The following ATAD3B variants were observed in gnomAD, a reference collection of about 807,000 sequenced individuals.
The protein encoded by ATAD3B is ATPase family AAA domain containing 3B.
In ATAD3B, 59 loss-of-function variants were observed where a neutral mutation model predicts 70.2. That is an observed-to-expected ratio of 0.84 (90% CI 0.68 to 1.04). ATAD3B has a LOEUF of 1.04. Among genes scored for constraint, ATAD3B ranks in the 50% least tolerant of loss-of-function variants. The probability of loss-of-function intolerance (pLI) is 0.00; values close to 1 mark genes in which losing one functional copy is unlikely to be tolerated. For missense variants in ATAD3B, 961 were observed against 913.4 expected, an observed-to-expected ratio of 1.05 and a Z score of -0.67; for synonymous variants, 423 against 388.6, an observed-to-expected ratio of 1.09 and a Z score of -1.04.
chr1:1,506,787 C>CTTTTTTTTT, the ATAD3B span, among the ~76,000 whole-genome samples: 4 of 120,048 alleles, frequency 3.3e-5, no homozygotes, highest in African/African-American at 6.3e-5. Flanking sequence ...TTTCTTTTTT[C>CTTTTTTTTT]TTTTTTTTTT....
intron 4 of ATAD3B, among the ~76,000 whole-genome samples, chr1:1,479,496 A>G (rs1313902736): frequency 3.6e-5 from 5 of 139,876 alleles, no homozygotes; most frequent in Non-Finnish European, 7.7e-5. Context: ...ACACCCCTAC[A>G]CAGGGGCATG....
At chr1:1,499,586 CTTT>C (rs71578322), downstream of ATAD3B, among the ~76,000 whole-genome samples, 47 of 65,760 alleles carry the variant, frequency 7.1e-4, no homozygotes, top group African/African-American at 3.0e-3. Context: ...CCAAACAGCT[CTTT>C]TTTTTTTTTT....
intron 4 of ATAD3B, among the ~76,000 whole-genome samples, chr1:1,479,746 C>G (rs1389922877): frequency 6.9e-6 from 1 of 145,130 alleles, no homozygotes; most frequent in African/African-American, 2.6e-5. Flanking sequence ...CACACATAGG[C>G]ATGCACACCC....
rs1319588772 is a variant in ATAD3B at position 1,478,559 on chromosome 1, T to C, written c.283-85T>C. ...TAGTCTGGGCACGGAGTCTCTGCCG[T>C]GCCGGAGCTGTGCAGACACAGGAGC... On this transcript the variant is annotated intron_variant, in intron 2 of 15. Transcript: ENST00000673477. The C allele has an allele frequency of 3.9e-6, 6 of 1,550,330 alleles. No individual in the cohort carries two copies. In the South Asian group the frequency reaches 7.1e-5, roughly 18 times the overall value.
At chr1:1,479,561 C>T (rs1337116361) in intron 4 of ATAD3B, among the ~76,000 whole-genome samples, 6 of 141,410 alleles carry the variant, frequency 4.2e-5, no homozygotes, top group Non-Finnish European at 7.7e-5. Flanking sequence ...ACACACACCC[C>T]GCCACAACAC....
chr1:1,478,374 C>T (rs1425386619), intron 2 of ATAD3B: 2 of 1,452,858 alleles, frequency 1.4e-6, no homozygotes, highest in Non-Finnish European at 9.2e-7. Flanking sequence ...CTGGAGCTGC[C>T]CAGAAACAGC....
At chr1:1,478,542 G>A in intron 2 of ATAD3B, 102 bp from the exon 3 acceptor site, 13 of 1,550,180 alleles carry the variant, frequency 8.4e-6, no homozygotes, top group Non-Finnish European at 1.1e-5. Flanking sequence ...ACTAGTCTGG[G>A]CACGGAGTCT....
chr1:1,490,456 C>T, intron 14 of ATAD3B, 32 bp downstream of exon 14: 1 of 1,612,504 alleles, frequency 6.2e-7, no homozygotes, highest in Non-Finnish European at 8.5e-7. Context: ...GCCCCCAATC[C>T]AGGCACCATA....
At position 1,486,137 on chromosome 1, in the gene ATAD3B, A is replaced by G. The variant is rs1221305659; in HGVS notation, c.991A>G (p.Ile331Val). ...SPSLEARVRD[I>V]AIATRNTKKN... The stretch of plus-strand genomic sequence containing the variant: ...CAGCCTGGAAGCACGGGTGCGCGAC[A>G]TCGCCATAGCAACCAGGAACACCAA... The change falls in exon 10 of 16, where the codon ATC becomes GTC. Residue 331 changes from isoleucine to valine, a missense_variant. Physicochemically the swap from Ile to Val is conservative, Grantham distance 29. Transcript: ENST00000673477. The G allele has an allele frequency of 1.9e-6, 3 of 1,613,206 alleles. No individual in the cohort carries two copies. The highest frequency in any genetic ancestry group is 2.5e-6 in the Non-Finnish European group (3 of 1,179,662).
intron 2 of ATAD3B, among the ~76,000 whole-genome samples, chr1:1,477,582 C>T (rs1313807482): frequency 1.3e-5 from 2 of 151,754 alleles, no homozygotes; most frequent in African/African-American, 4.8e-5. Flanking sequence ...TCTGGTCGTC[C>T]TGAGGGAGGG....
intron 13 of ATAD3B, chr1:1,489,597 G>A: frequency 2.5e-6 from 3 of 1,209,850 alleles, no homozygotes; most frequent in Non-Finnish European, 3.4e-6. Flanking sequence ...GCCGCCCAGA[G>A]GTCCCCAGTA....
intron 15 of ATAD3B, among the ~76,000 whole-genome samples, chr1:1,493,391 G>C (rs549904721): frequency 1.3e-5 from 2 of 151,980 alleles, no homozygotes; most frequent in East Asian, 1.9e-4. Flanking sequence ...GGCCTTCTTT[G>C]TGTTTAGGGC....
chr1:1,485,924 T>G, intron 9 of ATAD3B, 86 bp downstream of exon 9: 2 of 1,606,914 alleles, frequency 1.2e-6, no homozygotes, highest in Non-Finnish European at 1.7e-6. Flanking sequence ...GCGCTCGTGG[T>G]GGCGCCCAGG....
chr1:1,495,603 G>A lies in ATAD3B; in HGVS notation c.1733G>A (p.Gly578Glu). 1 of 1,613,138 alleles carries A rather than the reference G, an allele frequency of 6.2e-7. No homozygotes were observed. Among genetic ancestry groups the A allele is most frequent in the Middle Eastern group, 1.6e-4 (1 of 6,062 alleles). Residue 578 changes from glycine to glutamate, a missense_variant, in exon 16 of 16, where the codon GGG becomes GAG. Physicochemically the swap from Gly to Glu is moderately conservative, Grantham distance 98. Around this residue, in one of 4 missense-constraint regions of ATAD3B, gnomAD observed 417 missense variants for 335.0 expected, o/e 1.24. Coordinates refer to ENST00000673477, the MANE Select transcript of ATAD3B (RefSeq NM_031921.6). The stretch of plus-strand genomic sequence containing the variant: ...CGCTGGCTGAAGGCGGAGGGGCCTG[G>A]GCGCGGGGTCGAGCACCCCCTATCC... ...KMRWLKAEGPGRGVEHPLSGV... is the reference protein window; with the variant it reads ...KMRWLKAEGPERGVEHPLSGV...
chr1:1,478,503 C>G (rs1557794728), intron 2 of ATAD3B, 141 bp from the exon 3 acceptor site: 1 of 1,549,534 alleles, frequency 6.5e-7, no homozygotes, highest in Non-Finnish European at 8.7e-7. Flanking sequence ...GGTGCAGATG[C>G]AGCTGGAAGC....
rs916219918 is a variant in ATAD3B, at chr1:1,495,935, C to T, written c.*118C>T. ...CTTTGTACCCCAGCCCCTGCCCAGG[C>T]CACTGTGAGGGTGGGTGCTGGCTGA... On this transcript the variant is annotated 3_prime_UTR_variant, in exon 16 of 16. Coordinates refer to ENST00000673477, the MANE Select transcript of ATAD3B (RefSeq NM_031921.6). 7.1e-7 allele frequency: 1 copy of T among 1,418,348 alleles called. No homozygotes were observed. Among genetic ancestry groups the T allele is most frequent in the African/African-American group, 1.4e-5 (1 of 69,578 alleles). 87.9% of individuals were successfully genotyped at this position (1,418,348 alleles called of 1,614,324 possible). A position where few individuals can be genotyped will look rare whatever the true frequency, so the allele number is the denominator to read the frequency against.
the ATAD3B span, chr1:1,509,132 T>C: frequency 6.5e-7 from 1 of 1,547,654 alleles, no homozygotes; most frequent in Non-Finnish European, 8.7e-7. Context: ...CCTCCCCACC[T>C]CGGGGCCCTG....
At chr1:1,489,414 C>G in intron 13 of ATAD3B, 140 bp downstream of exon 13, 1 of 1,427,112 alleles carries the variant, frequency 7.0e-7, no homozygotes, top group Non-Finnish European at 9.6e-7. Flanking sequence ...CCCCTGGGAA[C>G]GGCCCAGCTC....
At chr1:1,508,624 G>C in the ATAD3B span, among the ~76,000 whole-genome samples, 1 of 151,442 alleles carries the variant, frequency 6.6e-6, no homozygotes, top group Non-Finnish European at 1.5e-5. Context: ...TGACCTGTCT[G>C]GCAGAAAGGC....
Sources: gnomAD v4.1 joint callset for allele counts (sites outside exome capture counted in the v4.1 genomes callset) on GRCh38, gnomAD v4.1.1 for gene constraint, gnomAD v4.1.1 regional missense constraint, MANE v1.5 for transcripts, NCBI Gene and HGNC (gene_info 2026-07-23, HGNC 2026-07-21) for gene names.